GRM8: variants seen among roughly 807,000 people sequenced by gnomAD.
GRM8 encodes the protein glutamate metabotropic receptor 8.
GRM8 carries 47 observed loss-of-function variants against 87.2 expected under a neutral mutation model. The ratio of observed to expected loss-of-function variants is 0.54; its 90% CI spans 0.43 to 0.69. The LOEUF (loss-of-function observed/expected upper bound fraction) is 0.69. Ranked by LOEUF, GRM8 falls within the 30% of genes least tolerant of loss-of-function variation. The pLI, the probability that GRM8 is intolerant of heterozygous loss-of-function variation, is 0.00. For missense variants in GRM8, 1,019 were observed against 1,139.2 expected (o/e 0.89, Z 1.52); for synonymous variants, 396 against 404.5 (o/e 0.98, Z 0.25).
intron 2 of GRM8, among the ~76,000 whole-genome samples, chr7:127,125,800 A>AC (rs1491333155): frequency 9.5e-5 from 14 of 147,014 alleles, no homozygotes; most frequent in South Asian, 6.6e-4. Flanking sequence ...ACACACACAC[A>AC]AATAACTATT....
rs530767812 is a variant in GRM8, at chr7:127,125,137, T to C, written c.511-18425A>G. On this transcript the variant is annotated intron_variant, in intron 2 of 10. Coordinates refer to ENST00000339582, the MANE Select transcript of GRM8 (RefSeq NM_000845.3). ...TCACTGGAAATTAGCAAGCTGATTC[T>C]AAAATTTGTATGGAAATGCAAAGAA... Among the ~76,000 whole-genome samples the C allele has an allele frequency of 9.9e-5, 15 of 152,278 alleles. No individual in the cohort carries two copies. The South Asian group carries it at 3.1e-3, about 32-fold the overall frequency.
intron 9 of GRM8, among the ~76,000 whole-genome samples, chr7:126,528,073 G>A (rs1378730406): frequency 2.0e-5 from 3 of 152,082 alleles, no homozygotes; most frequent in African/African-American, 7.2e-5. Context: ...GAGTGGTGGC[G>A]TGTGCCTGTA....
intron 9 of GRM8, among the ~76,000 whole-genome samples, chr7:126,448,003 T>C (rs1475246930): frequency 6.6e-6 from 1 of 152,016 alleles, no homozygotes; most frequent in Non-Finnish European, 1.5e-5. Context: ...AGTTTTGCCA[T>C]CTACTTTTAA....
At chr7:126,547,095 C>G (rs1817240567) in intron 8 of GRM8, among the ~76,000 whole-genome samples, 1 of 152,096 alleles carries the variant, frequency 6.6e-6, no homozygotes, top group Non-Finnish European at 1.5e-5. Context: ...TTAGATTTAG[C>G]AACATAAAAG....
chr7:127,076,392 A>G (rs927763352), intron 3 of GRM8, among the ~76,000 whole-genome samples: 5 of 152,210 alleles, frequency 3.3e-5, no homozygotes, highest in African/African-American at 1.2e-4. Context: ...TTCATTCATC[A>G]TTATCAGCAA....
intron 6 of GRM8, among the ~76,000 whole-genome samples, chr7:126,891,734 C>T (rs544923995): frequency 6.6e-6 from 1 of 152,156 alleles, no homozygotes; most frequent in South Asian, 2.1e-4. Flanking sequence ...GCTGGCTATT[C>T]GCTTAACACA....
intron 3 of GRM8, among the ~76,000 whole-genome samples, chr7:127,089,930 A>G (rs771224662): frequency 6.6e-6 from 1 of 152,178 alleles, no homozygotes; most frequent in Non-Finnish European, 1.5e-5. Flanking sequence ...CATTCTGCAC[A>G]TGCCCATCCC....
intron 9 of GRM8, among the ~76,000 whole-genome samples, chr7:126,489,505 C>T (rs571590953): frequency 3.7e-4 from 57 of 152,046 alleles, no homozygotes; most frequent in African/African-American, 1.2e-3. Context: ...AAAGCAAAGA[C>T]GCCTTATTAC....
intron 9 of GRM8, among the ~76,000 whole-genome samples, chr7:126,496,052 T>C (rs1808676482): frequency 6.6e-6 from 1 of 151,962 alleles, no homozygotes; most frequent in Admixed American, 6.6e-5. Context: ...CCTGAGCTAC[T>C]TGATGAATGT....
chr7:126,947,875 C>T (rs1280573951), intron 3 of GRM8, among the ~76,000 whole-genome samples: 2 of 152,120 alleles, frequency 1.3e-5, no homozygotes, highest in African/African-American at 4.8e-5. Flanking sequence ...GCTAATGGTG[C>T]TCTAAGGATG....
intron 6 of GRM8, chr7:126,869,933 T>TAAAAAAAAAAAAAA (rs71177572): frequency 1.3e-5 from 1 of 77,260 alleles, no homozygotes; most frequent in East Asian, 2.9e-4. Flanking sequence ...CCTCATAGAT[T>TAAAAAAAAAAAAAA]AAAAAAAAAA....
At chr7:126,519,329 T>C (rs1178170648) in intron 9 of GRM8, among the ~76,000 whole-genome samples, 1 of 152,090 alleles carries the variant, frequency 6.6e-6, no homozygotes, top group Admixed American at 6.6e-5. Flanking sequence ...ATGGATTAGT[T>C]GATTTCATAA....
chr7:126,717,957 G>T (rs1563120372), intron 7 of GRM8, among the ~76,000 whole-genome samples: 1 of 152,120 alleles, frequency 6.6e-6, no homozygotes, highest in Non-Finnish European at 1.5e-5. Context: ...TGTTGGCCGG[G>T]CGTGGTGGCT....
At chr7:126,724,764 A>C (rs2151465061) in intron 7 of GRM8, among the ~76,000 whole-genome samples, 1 of 152,276 alleles carries the variant, frequency 6.6e-6, no homozygotes, top group East Asian at 1.9e-4. Flanking sequence ...ATTTGCAAAA[A>C]AAAAAAAAAA....
At chr7:127,232,628 T>C (rs989756426) in intron 2 of GRM8, among the ~76,000 whole-genome samples, 24 of 152,174 alleles carry the variant, frequency 1.6e-4, no homozygotes, top group Non-Finnish European at 2.9e-5. Flanking sequence ...CAAGTCAGTC[T>C]GAATGGCTGA....
At chr7:127,167,025 C>T (rs540685041) in intron 2 of GRM8, among the ~76,000 whole-genome samples, 10 of 152,166 alleles carry the variant, frequency 6.6e-5, no homozygotes, top group African/African-American at 2.4e-4. Context: ...AGTTTCTTCA[C>T]TAAGAGTAGG....
At chr7:126,534,296 T>C (rs887741619) in intron 8 of GRM8, among the ~76,000 whole-genome samples, 3 of 152,148 alleles carry the variant, frequency 2.0e-5, no homozygotes, top group Non-Finnish European at 2.9e-5. Context: ...TATAAACATA[T>C]ATAAAAGATG....
At chr7:126,572,603 A>G (rs888457943) in intron 8 of GRM8, among the ~76,000 whole-genome samples, 1 of 152,224 alleles carries the variant, frequency 6.6e-6, no homozygotes, top group African/African-American at 2.4e-5. Flanking sequence ...CAAAACTATC[A>G]ATTGAAATGT....
At chr7:126,493,734 A>AATAATAATGGCTACCCT (rs1808332684) in intron 9 of GRM8, among the ~76,000 whole-genome samples, 2 of 152,018 alleles carry the variant, frequency 1.3e-5, no homozygotes, top group Non-Finnish European at 2.9e-5. Context: ...TCTAAGTTGG[A>AATAATAATGGCTACCCT]ATAATAATGG....
Sources: gnomAD v4.1 joint callset for allele counts (sites outside exome capture counted in the v4.1 genomes callset) on GRCh38, gnomAD v4.1.1 for gene constraint, MANE v1.5 for transcripts, NCBI Gene and HGNC (gene_info 2026-07-23, HGNC 2026-07-21) for gene names.